BMP6: variants seen among roughly 807,000 people sequenced by gnomAD.
BMP6 encodes bone morphogenetic protein 6.
A neutral mutation model predicts 54.1 loss-of-function variants in BMP6; 17 were observed. That is an observed-to-expected ratio of 0.31 (90% confidence interval 0.22 to 0.47). The LOEUF (loss-of-function observed/expected upper bound fraction) is 0.47. Ranked by LOEUF, BMP6 falls within the 20% of genes least tolerant of loss-of-function variation. The probability of loss-of-function intolerance (pLI) is 1.00; values close to 1 mark genes in which losing one functional copy is unlikely to be tolerated. For missense variants in BMP6, 720 were observed against 690.4 expected, an observed-to-expected ratio of 1.04 and a Z score of -0.48; for synonymous variants, 328 against 291.2, an observed-to-expected ratio of 1.13 and a Z score of -1.28.
intron 1 of BMP6, among the ~76,000 whole-genome samples, chr6:7,749,152 G>A (rs1180485036): frequency 2.0e-5 from 3 of 152,160 alleles, no homozygotes; most frequent in Non-Finnish European, 4.4e-5. Context: ...ACCGGGGAGG[G>A]GTGGAGATCA....
chr6:7,842,365 T>C (rs1758987394), intron 1 of BMP6, among the ~76,000 whole-genome samples: 2 of 152,162 alleles, frequency 1.3e-5, no homozygotes, highest in African/African-American at 4.8e-5. Context: ...GGACAGTTTG[T>C]GTGTTCTGTC....
Position 7,845,722 on chromosome 6 carries a change from C to T in BMP6, c.857+390C>T, listed in dbSNP as rs188711543. 1.2e-3 allele frequency among the ~76,000 whole-genome samples: 181 copies of T among 151,792 alleles called. 2 individuals carry two copies. In the Middle Eastern group the frequency reaches 0.017, roughly 14 times the overall value. The stretch of plus-strand genomic sequence containing the variant: ...TAAGTGATAATAATTCCAGTGAATA[C>T]AAGGCAGTGTATTTGTGCACATAAG... On this transcript the variant is annotated intron_variant, in intron 2 of 6. Transcript: ENST00000283147.
intron 1 of BMP6, among the ~76,000 whole-genome samples, chr6:7,796,444 C>T (rs1758191871): frequency 6.6e-6 from 1 of 152,260 alleles, no homozygotes; most frequent in Non-Finnish European, 1.5e-5. Context: ...CCCTGTTCCC[C>T]ACACTGTTGC....
chr6:7,839,169 A>T (rs1758924944), intron 1 of BMP6, among the ~76,000 whole-genome samples: 1 of 152,090 alleles, frequency 6.6e-6, no homozygotes, highest in African/African-American at 2.4e-5. Context: ...TAACAATTTT[A>T]TTATTATTTT....
intron 1 of BMP6, among the ~76,000 whole-genome samples, chr6:7,781,335 C>CATCAGA (rs1457748881): frequency 6.6e-6 from 1 of 151,716 alleles, no homozygotes; most frequent in Non-Finnish European, 1.5e-5. Context: ...CTCGTTCATA[C>CATCAGA]GTACCATGCC....
chr6:7,824,359 T>G lies in BMP6; in HGVS notation c.665-20781T>G, dbSNP rs191515717. Among the ~76,000 whole-genome samples the G allele has an allele frequency of 7.2e-5, 11 of 152,318 alleles. No individual in the cohort carries two copies. In the East Asian group the frequency reaches 2.1e-3, roughly 29 times the overall value. On this transcript the variant is annotated intron_variant, in intron 1 of 6. Coordinates refer to ENST00000283147, the MANE Select transcript of BMP6 (RefSeq NM_001718.6). ...AGGGGTCTCCGTCCGGCTTGGCACG[T>G]TCTCCTTGAGGCCATTGTGAGTCCT...
intron 1 of BMP6, among the ~76,000 whole-genome samples, chr6:7,818,261 C>T (rs1389870582): frequency 6.6e-6 from 1 of 151,984 alleles, no homozygotes; most frequent in Non-Finnish European, 1.5e-5. Flanking sequence ...TCAAGATGAG[C>T]GTGGCAACCT....
At chr6:7,783,522 A>G (rs1757977815) in intron 1 of BMP6, among the ~76,000 whole-genome samples, 1 of 152,262 alleles carries the variant, frequency 6.6e-6, no homozygotes, top group African/African-American at 2.4e-5. Context: ...AATAAAGGGT[A>G]TAGGAGTTTA....
chr6:7,743,497 G>A (rs1757301202), intron 1 of BMP6, among the ~76,000 whole-genome samples: 1 of 128,004 alleles, frequency 7.8e-6, no homozygotes, highest in African/African-American at 2.7e-5. Flanking sequence ...CAATGGATTG[G>A]GCATCTCTGA....
In BMP6 at chr6:7,805,136, T is replaced by C. The variant is rs80201862; in HGVS notation, c.665-40004T>C. Among the ~76,000 whole-genome samples the C allele has an allele frequency of 2.9e-3, 440 of 152,330 alleles. 6 individuals carry two copies. Among genetic ancestry groups the C allele is most frequent in the African/African-American group, 9.9e-3 (413 of 41,584 alleles). The stretch of plus-strand genomic sequence containing the variant: ...CCATTTCAATGTTTTGTCCCTAGTC[T>C]ACAGATTCTATTAGATCCAGTAGAC... On this transcript the variant is annotated intron_variant, in intron 1 of 6. Transcript: ENST00000283147.
rs189015563 is a variant in BMP6 at position 7,834,975 on chromosome 6, T to C, written c.665-10165T>C. On this transcript the variant is annotated intron_variant, in intron 1 of 6. Coordinates refer to ENST00000283147, the MANE Select transcript of BMP6 (RefSeq NM_001718.6). ...TGGGAGCTAGGAACCCACAGACAGATGAACTACGACGGCATCTGAGCCGGG... is the reference window on the plus strand; with the variant it reads ...TGGGAGCTAGGAACCCACAGACAGACGAACTACGACGGCATCTGAGCCGGG... 2.1e-3 allele frequency among the ~76,000 whole-genome samples: 324 copies of C among 152,254 alleles called. 1 individual carries two copies. Among genetic ancestry groups the C allele is most frequent in the Non-Finnish European group, 7.5e-4 (51 of 68,016 alleles).
chr6:7,875,926 C>T (rs1759609091), intron 4 of BMP6, among the ~76,000 whole-genome samples: 1 of 152,166 alleles, frequency 6.6e-6, no homozygotes, highest in Admixed American at 6.5e-5. Context: ...TGCCGTACTA[C>T]CCATTCTTGA....
At chr6:7,757,860 AG>A (rs1202646036) in intron 1 of BMP6, among the ~76,000 whole-genome samples, 1 of 152,194 alleles carries the variant, frequency 6.6e-6, no homozygotes, top group East Asian at 1.9e-4. Context: ...CCTGAACTTC[AG>A]GGCAGTGAGA....
In BMP6 at chr6:7,856,595, ATTT is replaced by A. The variant is rs70982115; in HGVS notation, c.858-4839_858-4837del. ...ATATAAATGCCAGTTTATCAAGAGC[ATTT>A]TTTTTTTTTTTTTTTTGAGACGGAG... On this transcript the variant is annotated intron_variant, in intron 2 of 6. Coordinates refer to ENST00000283147, the MANE Select transcript of BMP6 (RefSeq NM_001718.6). 3.9e-3 allele frequency among the ~76,000 whole-genome samples: 322 copies of A among 83,042 alleles called. 9 individuals carry two copies. Among genetic ancestry groups the A allele is most frequent in the South Asian group, 5.4e-3 (12 of 2,216 alleles). The allele number at this position is 83,042 out of a possible 152,430, so 54.5% of individuals were successfully genotyped here.
chr6:7,878,505 G>A (rs1292683380), intron 4 of BMP6, among the ~76,000 whole-genome samples: 1 of 152,158 alleles, frequency 6.6e-6, no homozygotes, highest in African/African-American at 2.4e-5. Flanking sequence ...GCTCAACCCT[G>A]GCAGTGAGGT....
At chr6:7,827,902 T>A (rs1301784722) in intron 1 of BMP6, among the ~76,000 whole-genome samples, 1 of 152,230 alleles carries the variant, frequency 6.6e-6, no homozygotes, top group East Asian at 1.9e-4. Context: ...AATTTGGGTC[T>A]TATACATAAA....
chr6:7,788,665 A>G (rs1456582627), intron 1 of BMP6, among the ~76,000 whole-genome samples: 3 of 152,358 alleles, frequency 2.0e-5, no homozygotes, highest in South Asian at 2.1e-4. Context: ...TTGTAAAACA[A>G]ATGGCAGCAA....
chr6:7,817,636 A>C (rs546139422), intron 1 of BMP6, among the ~76,000 whole-genome samples: 17 of 152,014 alleles, frequency 1.1e-4, no homozygotes, highest in Admixed American at 1.1e-3. Context: ...TGATGAGTTA[A>C]TGGGTGCAGC....
chr6:7,865,619 C>T (rs1304159285), intron 4 of BMP6, among the ~76,000 whole-genome samples: 3 of 152,174 alleles, frequency 2.0e-5, no homozygotes. Context: ...TCTGGTGTTC[C>T]TCTCCCTCGG....
Sources: gnomAD v4.1 joint callset for allele counts (sites outside exome capture counted in the v4.1 genomes callset) on GRCh38, gnomAD v4.1.1 for gene constraint, MANE v1.5 for transcripts, NCBI Gene and HGNC (gene_info 2026-07-23, HGNC 2026-07-21) for gene names.